IL2RB: variants seen among roughly 807,000 people sequenced by gnomAD.
IL2RB encodes the protein interleukin 2 receptor subunit beta.
A neutral mutation model predicts 44.2 loss-of-function variants in IL2RB; 17 were observed. The ratio of observed to expected loss-of-function variants is 0.38; its 90% CI spans 0.26 to 0.58. IL2RB has a LOEUF of 0.58. IL2RB is among the 20% of genes least tolerant of loss of function. The probability of loss-of-function intolerance (pLI) is 0.63; values close to 1 mark genes in which losing one functional copy is unlikely to be tolerated. For missense variants in IL2RB, 624 were observed against 685.5 expected (o/e 0.91, Z 1.00); for synonymous variants, 286 against 297.9 (o/e 0.96, Z 0.41).
intron 1 of IL2RB, among the ~76,000 whole-genome samples, chr22:37,165,737 G>A (rs1923053061): frequency 6.6e-6 from 1 of 151,958 alleles, no homozygotes; most frequent in Non-Finnish European, 1.5e-5. Flanking sequence ...GTTGGGGGAG[G>A]AGGGGAGAAG....
intron 1 of IL2RB, among the ~76,000 whole-genome samples, chr22:37,164,209 C>T (rs1922983932): frequency 6.6e-6 from 1 of 152,166 alleles, no homozygotes; most frequent in Non-Finnish European, 1.5e-5. Flanking sequence ...TCACCCCCAA[C>T]CTCCTCCACC....
At chr22:37,136,156 G>A (rs1921678839) in intron 7 of IL2RB, 72 bp downstream of exon 7, 1 of 1,488,422 alleles carries the variant, frequency 6.7e-7, no homozygotes, top group African/African-American at 1.4e-5. Context: ...GGCAGGGAGA[G>A]AATGGAGCAG....
At chr22:37,144,667 C>A (rs1163628481) in intron 1 of IL2RB, among the ~76,000 whole-genome samples, 1 of 152,136 alleles carries the variant, frequency 6.6e-6, no homozygotes, top group African/African-American at 2.4e-5. Flanking sequence ...ATTGCTTGAA[C>A]CTGGAGGCGG....
At chr22:37,146,266 A>C (rs911147445) in intron 1 of IL2RB, among the ~76,000 whole-genome samples, 1 of 152,130 alleles carries the variant, frequency 6.6e-6, no homozygotes, top group Non-Finnish European at 1.5e-5. Flanking sequence ...GCCTTCCCTG[A>C]AGCCCGCCTC....
At chr22:37,139,698 C>G (rs1921871863) in intron 4 of IL2RB, among the ~76,000 whole-genome samples, 2 of 152,164 alleles carry the variant, frequency 1.3e-5, no homozygotes, top group African/African-American at 4.8e-5. Flanking sequence ...AAAGGCCCTC[C>G]CCTCCCCTAT....
rs1257429954 is a variant in IL2RB at position 37,137,714 on chromosome 22, G to C, written c.410C>G (p.Ser137Cys). The C allele has an allele frequency of 6.2e-7, 1 of 1,614,060 alleles. No individual in the cohort carries two copies. Among genetic ancestry groups the C allele is most frequent in the Admixed American group, 1.7e-5 (1 of 60,014 alleles). ...FENLRLMAPISLQVVHVETHR... is the reference protein window; with the variant it reads ...FENLRLMAPICLQVVHVETHR... ...GGTCTCCACGTGGACAACTTGGAGG[G>C]AGATGGGGGCCATCAGGCGAACTGG... Residue 137 changes from serine (S) to cysteine (C), a missense_variant, in exon 6 of 10, where the codon TCC becomes TGC. Transcript: ENST00000216223.
upstream of IL2RB, among the ~76,000 whole-genome samples, chr22:37,154,561 C>A (rs1476489624): frequency 6.7e-6 from 1 of 149,846 alleles, no homozygotes; most frequent in Non-Finnish European, 1.5e-5. Flanking sequence ...ATCCCTCTAT[C>A]TCTCTTTTTT....
chr22:37,157,745 G>A (rs1221375574), intron 1 of IL2RB, among the ~76,000 whole-genome samples: 1 of 151,996 alleles, frequency 6.6e-6, no homozygotes, highest in Non-Finnish European at 1.5e-5. Flanking sequence ...TCAGAGCCTT[G>A]CTTATGAGTC....
rs3830742 is a variant in IL2RB, at chr22:37,135,217, A to AGTGT, written c.818+107_818+110dup. On this transcript the variant is annotated intron_variant, in intron 8 of 9. Coordinates refer to ENST00000216223, the MANE Select transcript of IL2RB (RefSeq NM_000878.5). ...TGGCAAGGTGGCATGTGTTCATGTA[A>AGTGT]GTGTGTGTGTGTGTGTATGTGTGCT... 2.0e-3 allele frequency: 1,325 copies of AGTGT among 674,996 alleles called. 4 individuals are homozygous for AGTGT. The highest frequency in any genetic ancestry group is 0.015 in the African/African-American group (864 of 56,156). 41.8% of individuals were successfully genotyped at this position (674,996 alleles called of 1,614,324 possible). A position where few individuals can be genotyped will look rare whatever the true frequency, so the allele number is the denominator to read the frequency against.
intron 1 of IL2RB, among the ~76,000 whole-genome samples, chr22:37,158,842 C>T (rs1317110307): frequency 6.6e-6 from 1 of 152,236 alleles, no homozygotes; most frequent in Non-Finnish European, 1.5e-5. Flanking sequence ...CTACCTGAAA[C>T]TGTCCCTGAG....
At position 37,135,441 on chromosome 22, in the gene IL2RB, G is replaced by A. The variant is rs1248503396; in HGVS notation, c.705C>T (p.Ala235=). 1.2e-6 allele frequency: 2 copies of A among 1,602,464 alleles called. No homozygotes were observed. Among genetic ancestry groups the A allele is most frequent in the South Asian group, 1.1e-5 (1 of 90,852 alleles). ...QPLAFRTKPA[A]LGKDTIPWLG... The stretch of plus-strand genomic sequence containing the variant: ...GCCACGGAATGGTGTCCTTCCCAAG[G>A]GCTGCCCAGGGGTGGGAGAAACAGC... The change falls in exon 8 of 10, where the codon GCC becomes GCT. Residue 235 remains alanine (A), a splice_region_variant and synonymous_variant. Coordinates refer to ENST00000216223, the MANE Select transcript of IL2RB (RefSeq NM_000878.5).
At chr22:37,152,698 C>T (rs1922535753), upstream of IL2RB, among the ~76,000 whole-genome samples, 1 of 152,060 alleles carries the variant, frequency 6.6e-6, no homozygotes, top group Non-Finnish European at 1.5e-5. Flanking sequence ...ACCCTTCTCC[C>T]CCTTTTTTGG....
At chr22:37,171,923 T>C (rs1923299445) in intron 1 of IL2RB, among the ~76,000 whole-genome samples, 1 of 152,190 alleles carries the variant, frequency 6.6e-6, no homozygotes, top group South Asian at 2.1e-4. Flanking sequence ...TCTTGCACCT[T>C]ATATAAACCT....
chr22:37,172,795 T>G (rs1923332386), intron 1 of IL2RB, among the ~76,000 whole-genome samples: 1 of 152,212 alleles, frequency 6.6e-6, no homozygotes, highest in Non-Finnish European at 1.5e-5. Context: ...AAGACATGCA[T>G]GCAGTCGGCT....
In IL2RB at chr22:37,143,551, G is replaced by C; in HGVS notation, c.173C>G (p.Ser58Cys). ...GTCCGGCCAGGCATGGACTTGGCAG[G>C]AAGTGTCCTGCAGAGCCCCATCTTG... ...WSQDGALQDTSCQVHAWPDRR... is the reference protein window; with the variant it reads ...WSQDGALQDTCCQVHAWPDRR... Residue 58 changes from serine (S) to cysteine (C), a missense_variant, in exon 3 of 10, where the codon TCC (serine) becomes TGC (cysteine). Around this residue, in one of 3 missense-constraint regions of IL2RB, gnomAD observed 78 missense variants for 70.0 expected, o/e 1.11. Transcript: ENST00000216223. 2 of 1,613,914 alleles carry C rather than the reference G, an allele frequency of 1.2e-6. No homozygotes were observed. The highest frequency in any genetic ancestry group is 2.2e-5 in the South Asian group (2 of 91,070).
In IL2RB at chr22:37,141,695, C is replaced by T. The variant is rs774120550; in HGVS notation, c.282+739G>A. Among the ~76,000 whole-genome samples the T allele has an allele frequency of 7.1e-4, 108 of 152,316 alleles. No individual in the cohort carries two copies. The highest frequency in any genetic ancestry group is 2.3e-3 in the African/African-American group (95 of 41,570). On this transcript the variant is annotated intron_variant, in intron 4 of 9. Transcript: ENST00000216223. This position sits in a 1 kb window ranked among gnomAD's most constrained non-coding sequence, Gnocchi z 4.4. ...GCCCAGGCACTACCACAGCCTGGCA[C>T]GCTCGAGGCAGCACTGACTCACTGG... is the stretch of plus-strand genomic sequence containing the variant.
chr22:37,136,889 G>A (rs1921734221), intron 6 of IL2RB, among the ~76,000 whole-genome samples: 1 of 151,932 alleles, frequency 6.6e-6, no homozygotes, highest in Non-Finnish European at 1.5e-5. Context: ...CTTCTCCCCA[G>A]ATCTTTGCAG....
intron 1 of IL2RB, among the ~76,000 whole-genome samples, chr22:37,165,024 T>C (rs1923020716): frequency 2.0e-5 from 3 of 151,722 alleles, no homozygotes; most frequent in African/African-American, 7.3e-5. Flanking sequence ...GCAACTCGAG[T>C]GTGCACAGAA....
chr22:37,135,678 C>T (rs914490126), intron 7 of IL2RB, among the ~76,000 whole-genome samples: 1 of 152,156 alleles, frequency 6.6e-6, no homozygotes, highest in Non-Finnish European at 1.5e-5. Flanking sequence ...CCATGGGCCC[C>T]CCTGGTGAGC....
Sources: gnomAD v4.1 joint callset for allele counts (sites outside exome capture counted in the v4.1 genomes callset) on GRCh38, gnomAD v4.1.1 for gene constraint, gnomAD v4.1.1 regional missense constraint, Gnocchi (gnomAD v3.1) non-coding constraint, MANE v1.5 for transcripts, NCBI Gene and HGNC (gene_info 2026-07-23, HGNC 2026-07-21) for gene names.